Variants in PPP3CA observed in about 807,000 individuals in gnomAD.
PPP3CA encodes CAM-PRP catalytic subunit.
Under a neutral mutation model 66.5 loss-of-function variants are expected in PPP3CA, and 14 were observed. That is an observed-to-expected ratio of 0.21 (90% CI 0.14 to 0.33). The LOEUF (loss-of-function observed/expected upper bound fraction) is 0.33, where lower values mean the gene tolerates loss of function less well. Ranked by LOEUF, PPP3CA falls within the 10% of genes least tolerant of loss-of-function variation. PPP3CA has a pLI of 1.00. For missense variants in PPP3CA, 317 were observed against 639.5 expected, an observed-to-expected ratio of 0.50 and a Z score of 5.44; for synonymous variants, 232 against 226.2, an observed-to-expected ratio of 1.03 and a Z score of -0.23.
At chr4:101,205,730 C>G (rs1425473868) in intron 1 of PPP3CA, among the ~76,000 whole-genome samples, 1 of 152,154 alleles carries the variant, frequency 6.6e-6, no homozygotes, top group South Asian at 2.1e-4. Flanking sequence ...AATGAATTGA[C>G]TTTCTCTTCT....
chr4:101,250,983 A>G (rs1049887349), intron 1 of PPP3CA, among the ~76,000 whole-genome samples: 3 of 152,150 alleles, frequency 2.0e-5, no homozygotes, highest in African/African-American at 7.2e-5. Flanking sequence ...CTTTATTTCA[A>G]ATAATGTATC....
chr4:101,142,123 T>C (rs991171451), intron 2 of PPP3CA, among the ~76,000 whole-genome samples: 1 of 151,032 alleles, frequency 6.6e-6, no homozygotes, highest in East Asian at 1.9e-4. Flanking sequence ...TAATACATAA[T>C]ACAATTAAAG....
At chr4:101,065,354 T>G (rs968575743) in intron 8 of PPP3CA, among the ~76,000 whole-genome samples, 1 of 152,232 alleles carries the variant, frequency 6.6e-6, no homozygotes, top group South Asian at 2.1e-4. Context: ...GATGAATCTT[T>G]AAGGCTCTAA....
intron 1 of PPP3CA, among the ~76,000 whole-genome samples, chr4:101,340,192 A>T (rs1441045525): frequency 6.6e-6 from 1 of 152,180 alleles, no homozygotes; most frequent in African/African-American, 2.4e-5. Flanking sequence ...TTGCAGACAG[A>T]CACAAGCAAA....
At chr4:101,257,222 G>A (rs186435242) in intron 1 of PPP3CA, among the ~76,000 whole-genome samples, 2 of 151,878 alleles carry the variant, frequency 1.3e-5, no homozygotes, top group East Asian at 1.9e-4. Context: ...TGTTTAATAA[G>A]GATAAGATAT....
chr4:101,191,061 G>A lies in PPP3CA; in HGVS notation c.259+4855C>T, dbSNP rs571488519. Among the ~76,000 whole-genome samples, 24 of 152,244 alleles carry A rather than the reference G, an allele frequency of 1.6e-4. No homozygotes were observed. In the East Asian group the frequency reaches 4.1e-3, roughly 26 times the overall value. The stretch of plus-strand genomic sequence containing the variant: ...TTAAGGCAAGGTCTTCAGCTTACCC[G>A]CTATGAGACTTCAGTTTAGGTTCTT... On this transcript the variant is annotated intron_variant, in intron 2 of 13. Transcript: ENST00000394854.
intron 2 of PPP3CA, among the ~76,000 whole-genome samples, chr4:101,175,489 A>C (rs1052636701): frequency 2.6e-5 from 4 of 152,152 alleles, no homozygotes; most frequent in Non-Finnish European, 4.4e-5. Flanking sequence ...TCCTTTCAAC[A>C]TACTACCTGA....
intron 2 of PPP3CA, among the ~76,000 whole-genome samples, chr4:101,187,124 G>T (rs555506564): frequency 1.3e-5 from 2 of 152,264 alleles, no homozygotes; most frequent in South Asian, 4.1e-4. Flanking sequence ...TTTTAATGTG[G>T]ACACCATGCT....
Position 101,207,248 on chromosome 4 carries a change from T to C in PPP3CA, c.59-11132A>G, listed in dbSNP as rs372653769. ...GGATTTCAGAAAGCAGTTCAAATAT[T>C]TCCTTTAAAGGAACATTTTCCTAGT... On this transcript the variant is annotated intron_variant, in intron 1 of 13. Transcript: ENST00000394854. Among the ~76,000 whole-genome samples the C allele has an allele frequency of 6.6e-5, 10 of 152,192 alleles. No individual in the cohort carries two copies. In the East Asian group the frequency reaches 1.2e-3, roughly 18 times the overall value.
At position 101,324,154 on chromosome 4, in the gene PPP3CA, G is replaced by GGGAGGAAGGA. The variant is rs1729130998; in HGVS notation, c.58+22584_58+22585insTCCTTCCTCC. Among the ~76,000 whole-genome samples, 9 of 66,484 alleles carry GGGAGGAAGGA rather than the reference G, an allele frequency of 1.4e-4. 1 individual carries two copies. The highest frequency in any genetic ancestry group is 4.5e-4 in the African/African-American group (9 of 20,156). The allele number at this position is 66,484 out of a possible 152,430, so 43.6% of individuals were successfully genotyped here. ...AGGGAAGGAAGGGAAGGAAGGGAGG[G>GGGAGGAAGGA]AGGAAGGAAGGAAGGAAGGAAGGAA... On this transcript the variant is annotated intron_variant, in intron 1 of 13. Transcript: ENST00000394854.
intron 2 of PPP3CA, among the ~76,000 whole-genome samples, chr4:101,184,284 C>T (rs373319520): frequency 6.6e-6 from 1 of 152,140 alleles, no homozygotes; most frequent in East Asian, 1.9e-4. Context: ...AGATGGTATA[C>T]TGTGCTGATT....
intron 1 of PPP3CA, among the ~76,000 whole-genome samples, chr4:101,286,562 C>T (rs1326129586): frequency 6.6e-6 from 1 of 152,084 alleles, no homozygotes; most frequent in African/African-American, 2.4e-5. Context: ...TAATAAAATT[C>T]AAACAACTAA....
At position 101,223,766 on chromosome 4, in the gene PPP3CA, T is replaced by C. The variant is rs538916287; in HGVS notation, c.59-27650A>G. On this transcript the variant is annotated intron_variant, in intron 1 of 13. Transcript: ENST00000394854. ...AACTTCAGTGTATAATTACTTAATATCATTATAACAGCAACGCTCTGGAAA... is the reference window on the plus strand; with the variant it reads ...AACTTCAGTGTATAATTACTTAATACCATTATAACAGCAACGCTCTGGAAA... Among the ~76,000 whole-genome samples the C allele has an allele frequency of 2.7e-4, 41 of 151,948 alleles. No individual in the cohort carries two copies. In the South Asian group the frequency reaches 8.1e-3, roughly 30 times the overall value.
At chr4:101,322,521 G>A (rs541434987) in intron 1 of PPP3CA, among the ~76,000 whole-genome samples, 40 of 147,918 alleles carry the variant, frequency 2.7e-4, no homozygotes, top group South Asian at 1.7e-3. Context: ...AGCGATTCTC[G>A]TGCCTCAGCC....
intron 1 of PPP3CA, among the ~76,000 whole-genome samples, chr4:101,300,153 T>G (rs953319180): frequency 6.6e-6 from 1 of 152,206 alleles, no homozygotes; most frequent in African/African-American, 2.4e-5. Flanking sequence ...AATAGGGTCA[T>G]ACCACAAATC....
At chr4:101,038,494 T>G (rs1385232285) in intron 11 of PPP3CA, among the ~76,000 whole-genome samples, 1 of 151,784 alleles carries the variant, frequency 6.6e-6, no homozygotes, top group Non-Finnish European at 1.5e-5. Context: ...CTCAGCCTCC[T>G]GAGTAGCTGG....
intron 6 of PPP3CA, among the ~76,000 whole-genome samples, chr4:101,084,983 C>G (rs1455344722): frequency 1.3e-5 from 2 of 151,804 alleles, no homozygotes; most frequent in Admixed American, 6.6e-5. Flanking sequence ...TTCTGTTCTG[C>G]TTAAAGAAAA....
intron 1 of PPP3CA, among the ~76,000 whole-genome samples, chr4:101,322,854 T>A (rs1729084787): frequency 6.6e-6 from 1 of 152,176 alleles, no homozygotes; most frequent in Admixed American, 6.5e-5. Flanking sequence ...AAAAAGGTAA[T>A]ATTTAGTTAA....
intron 2 of PPP3CA, among the ~76,000 whole-genome samples, chr4:101,116,974 T>TTA (rs1721855453): frequency 6.6e-6 from 1 of 151,446 alleles, no homozygotes; most frequent in South Asian, 2.1e-4. Flanking sequence ...TAATAAAAAA[T>TTA]TATATATATA....
Sources: allele counts gnomAD v4.1 joint callset (sites outside exome capture counted in the v4.1 genomes callset), GRCh38; gene constraint gnomAD v4.1.1; transcripts MANE v1.5; gene names NCBI Gene and HGNC (gene_info 2026-07-23, HGNC 2026-07-21).